The following ESCO1 variants were observed in gnomAD, a reference collection of about 807,000 sequenced individuals.
The protein encoded by ESCO1 is N-acetyltransferase ESCO1.
ESCO1 carries 33 observed loss-of-function variants against 83.5 expected under a neutral mutation model. The observed-to-expected ratio is 0.40, with a 90% confidence interval of 0.30 to 0.53. The LOEUF (loss-of-function observed/expected upper bound fraction) is 0.53. ESCO1 is among the 20% of genes least tolerant of loss of function. The pLI is 0.63. For synonymous variants in ESCO1, 332 were observed against 324.3 expected, an observed-to-expected ratio of 1.02 and a Z score of -0.25; for missense variants, 855 against 968.0, an observed-to-expected ratio of 0.88 and a Z score of 1.55.
chr18:21,554,096 A>T (rs2038081938), intron 8 of ESCO1, among the ~76,000 whole-genome samples: 1 of 152,220 alleles, frequency 6.6e-6, no homozygotes, highest in Admixed American at 6.5e-5. Context: ...GTAACATACC[A>T]CTACAAGCCT....
intron 2 of ESCO1, among the ~76,000 whole-genome samples, chr18:21,578,788 C>T (rs1357306584): frequency 6.6e-6 from 1 of 152,234 alleles, no homozygotes; most frequent in Non-Finnish European, 1.5e-5. Context: ...ACCTCCACCT[C>T]CCAAGTTCAA....
chr18:21,556,153 C>T (rs1229178561), intron 8 of ESCO1, among the ~76,000 whole-genome samples: 2 of 150,010 alleles, frequency 1.3e-5, no homozygotes, highest in African/African-American at 4.9e-5. Context: ...ACTCAGGAGG[C>T]TGAGGTGGGA....
chr18:21,593,834 A>C (rs955740333), intron 1 of ESCO1, among the ~76,000 whole-genome samples: 4 of 151,004 alleles, frequency 2.6e-5, no homozygotes, highest in Non-Finnish European at 5.9e-5. Context: ...AAAACCTTAG[A>C]CAATTCAGTT....
In ESCO1 at chr18:21,564,248, C is replaced by A. The variant is rs2038228316; in HGVS notation, c.1776G>T (p.Leu592Phe). 1.9e-6 allele frequency: 3 copies of A among 1,611,488 alleles called. No homozygotes were observed. The East Asian group carries it at 6.7e-5, about 36-fold the overall frequency. Reference protein sequence around the residue: ...SHLEITIPKDLKLKEAEKTDE... With the variant: ...SHLEITIPKDFKLKEAEKTDE... ...CAGTTTTCTCTGCTTCTTTTAGTTTCAAGTCCTTTGGAATTGTTATCTCCA... is the reference window on the plus strand; with the variant it reads ...CAGTTTTCTCTGCTTCTTTTAGTTTAAAGTCCTTTGGAATTGTTATCTCCA... Residue 592 changes from leucine to phenylalanine, a missense_variant, in exon 7 of 12, where the codon TTG becomes TTT. Physicochemically the swap from Leu to Phe is conservative, Grantham distance 22 (BLOSUM62 0). Transcript: ENST00000269214.
intron 4 of ESCO1, among the ~76,000 whole-genome samples, chr18:21,570,972 T>A (rs1213216156): frequency 6.3e-5 from 9 of 142,682 alleles, no homozygotes; most frequent in African/African-American, 2.4e-4. Flanking sequence ...TGAGACTTCA[T>A]CTCAAAAAAA....
chr18:21,586,881 A>G (rs574830807), intron 1 of ESCO1, among the ~76,000 whole-genome samples: 27 of 152,192 alleles, frequency 1.8e-4, no homozygotes, highest in Non-Finnish European at 3.5e-4. Context: ...ACTGTTAGGT[A>G]TGATGTTAGA....
rs111698666 is a variant in ESCO1 at position 21,549,709 on chromosome 18, G to A, written c.1954-9700C>T. Among the ~76,000 whole-genome samples, 922 of 152,308 alleles carry A rather than the reference G, an allele frequency of 6.1e-3. 7 individuals carry two copies. Among genetic ancestry groups the A allele is most frequent in the South Asian group, 0.011 (54 of 4,830 alleles). On this transcript the variant is annotated intron_variant, in intron 8 of 11. Transcript: ENST00000269214. Reference sequence around the variant, plus strand: ...AGGCCAGGCACAGTGGCTCACACCTGTGATCTCAGCACTTTGGGAGGCCGA... The same window carrying A: ...AGGCCAGGCACAGTGGCTCACACCTATGATCTCAGCACTTTGGGAGGCCGA...
intron 4 of ESCO1, among the ~76,000 whole-genome samples, chr18:21,572,993 C>T (rs548756547): frequency 4.7e-5 from 7 of 149,564 alleles, no homozygotes; most frequent in Non-Finnish European, 1.0e-4. Flanking sequence ...CCCTAAGAAA[C>T]GTACTTTCTA....
At position 21,542,617 on chromosome 18, in the gene ESCO1, AT is replaced by A. The variant is rs567285238; in HGVS notation, c.1954-2609del. On this transcript the variant is annotated intron_variant, in intron 8 of 11. Transcript: ENST00000269214. ...ACTTCCATTCTCCCTTCTTACTAGT[AT>A]CAAACTAAGATCAATGCACTAATCT... Among the ~76,000 whole-genome samples the A allele has an allele frequency of 4.6e-5, 7 of 152,352 alleles. No homozygotes were observed. In the South Asian group the frequency reaches 1.4e-3, roughly 32 times the overall value.
In ESCO1 at chr18:21,575,108, T is replaced by C. The variant is rs756120122; in HGVS notation, c.-265A>G. On this transcript the variant is annotated 5_prime_UTR_variant, in exon 4 of 12. Transcript: ENST00000269214. ...AGGTAATAAAAATTTGAGGAAAATT[T>C]TGATTATTTTTAATAAGTTTTTTTA... 1.5e-4 allele frequency: 54 copies of C among 369,184 alleles called. No homozygotes were observed. The highest frequency in any genetic ancestry group is 1.7e-4 in the Non-Finnish European group (36 of 209,208). The allele number at this position is 369,184 out of a possible 1,614,324, so 22.9% of individuals were successfully genotyped here.
intron 6 of ESCO1, among the ~76,000 whole-genome samples, 197 bp from the exon 7 acceptor site, chr18:21,564,514 C>T (rs973870479): frequency 4.0e-5 from 6 of 151,732 alleles, no homozygotes; most frequent in African/African-American, 4.8e-5. Context: ...CCTCAGCCTC[C>T]TGAGTAGCTG....
chr18:21,550,788 T>C (rs2038035129), intron 8 of ESCO1, among the ~76,000 whole-genome samples: 1 of 152,206 alleles, frequency 6.6e-6, no homozygotes, highest in Non-Finnish European at 1.5e-5. Flanking sequence ...TCACTGTAAC[T>C]GTTGTAATAA....
intron 7 of ESCO1, 65 bp from the exon 8 acceptor site, chr18:21,561,055 C>A (rs929011206): frequency 3.3e-5 from 50 of 1,501,544 alleles, no homozygotes; most frequent in Admixed American, 8.5e-5. Context: ...ATATCAGCCT[C>A]TAAGGCTATA....
In ESCO1 at chr18:21,573,573, G is replaced by A. The variant is rs763066941; in HGVS notation, c.1271C>T (p.Pro424Leu). ...TGGATGATGCATTTCTAAAGCTGGTGGTGAAAAACTGGTTCGTAATAAGCC... is the reference window on the plus strand; with the variant it reads ...TGGATGATGCATTTCTAAAGCTGGTAGTGAAAAACTGGTTCGTAATAAGCC... ...KLGLLRTSFS[P>L]PALEMHHPVT... is the part of the protein sequence containing the mutation. The change falls in exon 4 of 12, where the codon CCA (proline) becomes CTA (leucine). Residue 424 changes from proline (P) to leucine (L), a missense_variant. Around this residue, in one of 2 missense-constraint regions of ESCO1, gnomAD observed 726 missense variants for 699.5 expected, o/e 1.04. Coordinates refer to ENST00000269214, the MANE Select transcript of ESCO1 (RefSeq NM_052911.3). 1 of 1,614,110 alleles carries A rather than the reference G, an allele frequency of 6.2e-7. No homozygotes were observed. Among genetic ancestry groups the A allele is most frequent in the Non-Finnish European group, 8.5e-7 (1 of 1,180,028 alleles).
intron 1 of ESCO1, among the ~76,000 whole-genome samples, chr18:21,588,838 C>A (rs187416124): frequency 1.3e-5 from 2 of 152,222 alleles, no homozygotes; most frequent in African/African-American, 4.8e-5. Context: ...CTGCAGTGAG[C>A]CTTGATCGCA....
intron 1 of ESCO1, among the ~76,000 whole-genome samples, chr18:21,594,862 G>A (rs1248120223): frequency 6.6e-6 from 1 of 151,424 alleles, no homozygotes; most frequent in African/African-American, 2.4e-5. Flanking sequence ...CTTCTTAAAA[G>A]CAACAAGTAT....
In ESCO1 at chr18:21,590,809, G is replaced by A. The variant is rs149578596; in HGVS notation, c.-824-6369C>T. On this transcript the variant is annotated intron_variant, in intron 1 of 11. Coordinates refer to ENST00000269214, the MANE Select transcript of ESCO1 (RefSeq NM_052911.3). ...AAAAATACAAAAAAGTTAGCTGGGC[G>A]TGGTGGCACGTGCCTATAGTCCCAG... Among the ~76,000 whole-genome samples, 4 of 152,026 alleles carry A rather than the reference G, an allele frequency of 2.6e-5. No individual in the cohort carries two copies. The East Asian group carries it at 7.8e-4, about 30-fold the overall frequency.
chr18:21,569,984 C>A (rs2038317748), intron 4 of ESCO1, among the ~76,000 whole-genome samples: 1 of 152,224 alleles, frequency 6.6e-6, no homozygotes, highest in South Asian at 2.1e-4. Context: ...ATACAGCAGG[C>A]ACTCAAATAT....
intron 1 of ESCO1, among the ~76,000 whole-genome samples, chr18:21,585,255 A>T (rs2038558989): frequency 6.6e-6 from 1 of 152,086 alleles, no homozygotes; most frequent in Non-Finnish European, 1.5e-5. Context: ...TCCATGAGAG[A>T]ATTATACTTT....
Sources: gnomAD v4.1 joint callset for allele counts (sites outside exome capture counted in the v4.1 genomes callset) on GRCh38, gnomAD v4.1.1 for gene constraint, gnomAD v4.1.1 regional missense constraint, MANE v1.5 for transcripts, NCBI Gene and HGNC (gene_info 2026-07-23, HGNC 2026-07-21) for gene names.